Variants in INKA2 observed in about 807,000 individuals in gnomAD.
INKA2 encodes PAK4-inhibitor INKA2.
In INKA2, 3 loss-of-function variants were observed where a neutral mutation model predicts 9.8. The observed-to-expected ratio is 0.31, with a 90% CI of 0.14 to 0.79. INKA2 has a LOEUF of 0.79. Among genes scored for constraint, INKA2 ranks in the 30% least tolerant of loss-of-function variants. The pLI is 0.62. For missense variants in INKA2, 392 were observed against 384.4 expected (o/e 1.02, Z -0.17); for synonymous variants, 147 against 143.3 (o/e 1.03, Z -0.18).
chr1:111,738,949 CCTCT>C (rs1194108516), intron 1 of INKA2, among the ~76,000 whole-genome samples: 2 of 152,304 alleles, frequency 1.3e-5, no homozygotes, highest in African/African-American at 2.4e-5. Context: ...TGGCTTGCTC[CCTCT>C]GTCTCTCTGT....
Position 111,723,394 on chromosome 1 carries a change from G to A in INKA2, c.*3574C>T, listed in dbSNP as rs759608964. 3 of 420,680 alleles carry A rather than the reference G, an allele frequency of 7.1e-6. No homozygotes were observed. Among genetic ancestry groups the A allele is most frequent in the Non-Finnish European group, 1.3e-5 (3 of 238,696 alleles). The allele number at this position is 420,680 out of a possible 1,614,324, so 26.1% of individuals were successfully genotyped here. ...AGAGGTCCCAAGTCTGAAAGGTTGG[G>A]AAGAGAAAGGGAGGAGGGAGACCAG... On this transcript the variant is annotated 3_prime_UTR_variant, in exon 2 of 2. Coordinates refer to ENST00000357260, the MANE Select transcript of INKA2 (RefSeq NM_019099.5).
chr1:111,726,658 C>T lies in INKA2; in HGVS notation c.*310G>A. ...TGATCTCCTCCTCTGCCCTCACCTA[C>T]TGTCACCTCCAGCCCCAAAGTGAGT... is the stretch of plus-strand genomic sequence containing the variant. On this transcript the variant is annotated 3_prime_UTR_variant, in exon 2 of 2. Transcript: ENST00000357260. 1 of 369,604 alleles carries T rather than the reference C, an allele frequency of 2.7e-6. No homozygotes were observed. Among genetic ancestry groups the T allele is most frequent in the Non-Finnish European group, 4.9e-6 (1 of 202,614 alleles). 22.9% of individuals were successfully genotyped at this position (369,604 alleles called of 1,614,324 possible). A position where few individuals can be genotyped will look rare whatever the true frequency, so the allele number is the denominator to read the frequency against.
At chr1:111,743,139 T>C (rs1244775291), upstream of INKA2, among the ~76,000 whole-genome samples, 2 of 152,174 alleles carry the variant, frequency 1.3e-5, no homozygotes, top group African/African-American at 4.8e-5. Context: ...GGGGACGTGA[T>C]TCATTTCTGC....
chr1:111,745,265 T>TTTTATATATATA lies in INKA2; in HGVS notation n.124+10435_124+10436insTATATATATAAA, dbSNP rs1553232613. On this transcript the variant is annotated intron_variant and non_coding_transcript_variant, in intron 1 of 1. Transcript: ENST00000444059. ...ACACACACACACACACACAGAGATA[T>TTTTATATATATA]TATATATATATATATATATATATAT... The TTTTATATATATA allele has an allele frequency of 2.5e-3, 114 of 45,084 alleles. 9 individuals are homozygous for TTTTATATATATA. Among genetic ancestry groups the TTTTATATATATA allele is most frequent in the Middle Eastern group, 0.02 (1 of 50 alleles). 2.8% of individuals were successfully genotyped at this position (45,084 alleles called of 1,614,324 possible). A position where few individuals can be genotyped will look rare whatever the true frequency, so the allele number is the denominator to read the frequency against.
Position 111,727,592 on chromosome 1 carries a change from G to C in INKA2, c.270C>G (p.Val90=), listed in dbSNP as rs1299457228. ...GAGAAGGTTGACTGGAGGGGGAACA[G>C]ACTGTGGGCCTGGCAGGACCTCTGC... ...EGGRGPARPT[V]CSPSSQPSLG... The change falls in exon 2 of 2, where the codon GTC becomes GTG. Residue 90 remains valine, a synonymous_variant. Coordinates refer to ENST00000357260, the MANE Select transcript of INKA2 (RefSeq NM_019099.5). 1 of 1,611,320 alleles carries C rather than the reference G, an allele frequency of 6.2e-7. No individual in the cohort carries two copies. The highest frequency in any genetic ancestry group is 1.3e-5 in the African/African-American group (1 of 74,930).
chr1:111,729,637 T>A (rs535909578), intron 1 of INKA2, among the ~76,000 whole-genome samples: 28 of 152,386 alleles, frequency 1.8e-4, no homozygotes, highest in African/African-American at 6.5e-4. Context: ...AAACCTCATA[T>A]GCAGGGACCA....
At chr1:111,744,739 G>A (rs1663223450) in intron 1 of INKA2, among the ~76,000 whole-genome samples, 1 of 151,920 alleles carries the variant, frequency 6.6e-6, no homozygotes, top group African/African-American at 2.4e-5. Flanking sequence ...GCGCCACCAC[G>A]CCCAGCTAAT....
In INKA2 at chr1:111,724,969, AGT is replaced by A. The variant is rs1302560453; in HGVS notation, c.*1997_*1998del. The A allele has an allele frequency of 6.6e-6, 1 of 152,212 alleles. No homozygotes were observed. Among genetic ancestry groups the A allele is most frequent in the Non-Finnish European group, 1.5e-5 (1 of 68,050 alleles). The allele number at this position is 152,212 out of a possible 1,614,324, so 9.4% of individuals were successfully genotyped here. A position where few individuals can be genotyped will look rare whatever the true frequency, so the allele number is the denominator to read the frequency against. The stretch of plus-strand genomic sequence containing the variant: ...GAGATGTGCACATTACCTGACAGAC[AGT>A]GAGTGCTCAACAAAACCCAAAAAGC... On this transcript the variant is annotated 3_prime_UTR_variant, in exon 2 of 2. Transcript: ENST00000357260.
chr1:111,733,608 G>A (rs997167722), intron 1 of INKA2, among the ~76,000 whole-genome samples: 3 of 152,200 alleles, frequency 2.0e-5, no homozygotes, highest in Non-Finnish European at 4.4e-5. Flanking sequence ...CCTGCCTGGG[G>A]CTGGAGGGGA....
At chr1:111,754,993 T>TCTTTGAAAAGCC (rs1663496387) in intron 1 of INKA2, 1 of 63,380 alleles carries the variant, frequency 1.6e-5, no homozygotes, top group Non-Finnish European at 2.9e-5. Flanking sequence ...TTTGAAAAGC[T>TCTTTGAAAAGCC]GATATTTGAG....
In INKA2 at chr1:111,722,925, G is replaced by A. The variant is rs867327834; in HGVS notation, c.*4043C>T. The stretch of plus-strand genomic sequence containing the variant: ...CTGTATTCCAGGCAGTGCTTGGACC[G>A]TAGGTGCATTATGTCCTTTAAATCT... On this transcript the variant is annotated 3_prime_UTR_variant, in exon 2 of 2. Coordinates refer to ENST00000357260, the MANE Select transcript of INKA2 (RefSeq NM_019099.5). 4.1e-5 allele frequency: 25 copies of A among 604,836 alleles called. No homozygotes were observed. Among genetic ancestry groups the A allele is most frequent in the South Asian group, 1.5e-4 (8 of 52,416 alleles). The allele number at this position is 604,836 out of a possible 1,614,324, so 37.5% of individuals were successfully genotyped here. A position where few individuals can be genotyped will look rare whatever the true frequency, so the allele number is the denominator to read the frequency against.
rs1170919482 is a variant in INKA2 at position 111,726,700 on chromosome 1, G to GACACACACATGC, written c.*256_*267dup. 5 of 482,188 alleles carry GACACACACATGC rather than the reference G, an allele frequency of 1.0e-5. No individual in the cohort carries two copies. The highest frequency in any genetic ancestry group is 1.8e-5 in the Non-Finnish European group (5 of 270,454). The allele number at this position is 482,188 out of a possible 1,614,324, so 29.9% of individuals were successfully genotyped here. A position where few individuals can be genotyped will look rare whatever the true frequency, so the allele number is the denominator to read the frequency against. On this transcript the variant is annotated 3_prime_UTR_variant, in exon 2 of 2. Coordinates refer to ENST00000357260, the MANE Select transcript of INKA2 (RefSeq NM_019099.5). ...AAAGTGAGTGCATGCATGCCAGACA[G>GACACACACATGC]ACACACACATGCACACACACACACA...
chr1:111,728,581 C>T (rs1420046143), intron 1 of INKA2, among the ~76,000 whole-genome samples: 7 of 152,222 alleles, frequency 4.6e-5, no homozygotes, highest in South Asian at 2.1e-4. Flanking sequence ...TGAGCCACAA[C>T]GTGACCAAAA....
upstream of INKA2, among the ~76,000 whole-genome samples, chr1:111,740,385 G>A (rs12121908): frequency 6.6e-6 from 1 of 152,124 alleles, no homozygotes; most frequent in Admixed American, 6.5e-5. Flanking sequence ...GCAGACCGGT[G>A]GGGGGTGCTC....
In INKA2 at chr1:111,727,150, G is replaced by T; in HGVS notation, c.712C>A (p.Pro238Thr). 1.9e-6 allele frequency: 3 copies of T among 1,614,222 alleles called. No homozygotes were observed. The highest frequency in any genetic ancestry group is 2.5e-6 in the Non-Finnish European group (3 of 1,180,048). Residue 238 changes from proline to threonine, a missense_variant, in exon 2 of 2, where the codon CCT (proline) becomes ACT (threonine). Physicochemically the swap from Pro to Thr is conservative, Grantham distance 38 (BLOSUM62 -1). Transcript: ENST00000357260. ...TGTGAGCGGCCGGTTCGGGACTCAGGGACCATGGGTGTCACCCAGCCTGGC... is the reference window on the plus strand; with the variant it reads ...TGTGAGCGGCCGGTTCGGGACTCAGTGACCATGGGTGTCACCCAGCCTGGC... ...EKPGWVTPMV[P>T]ESRTGRSQKV...
In INKA2 at chr1:111,726,300, G is replaced by A. The variant is rs1234821553; in HGVS notation, c.*668C>T. On this transcript the variant is annotated 3_prime_UTR_variant, in exon 2 of 2. Coordinates refer to ENST00000357260, the MANE Select transcript of INKA2 (RefSeq NM_019099.5). ...TCCCCTGTGCATGGGGGAGACGCGG[G>A]GAGTGTCTAGGGCTTCCCTGGCTGC... 5 of 376,224 alleles carry A rather than the reference G, an allele frequency of 1.3e-5. No individual in the cohort carries two copies. Among genetic ancestry groups the A allele is most frequent in the Non-Finnish European group, 2.4e-5 (5 of 212,518 alleles). 23.3% of individuals were successfully genotyped at this position (376,224 alleles called of 1,614,324 possible).
chr1:111,737,028 C>T (rs1366102074), intron 1 of INKA2, among the ~76,000 whole-genome samples: 1 of 152,118 alleles, frequency 6.6e-6, no homozygotes, highest in Non-Finnish European at 1.5e-5. Flanking sequence ...CGTCTCTGAG[C>T]AGGCTGGCAT....
intron 1 of INKA2, among the ~76,000 whole-genome samples, chr1:111,728,700 G>GT (rs147012143): frequency 0.017 from 2,602 of 152,244 alleles, 73 homozygotes; most frequent in African/African-American, 0.058. Context: ...TCTTTGGGTT[G>GT]TATGTATAAG....
chr1:111,751,834 T>C (rs1219985571), intron 1 of INKA2, among the ~76,000 whole-genome samples: 1 of 152,230 alleles, frequency 6.6e-6, no homozygotes, highest in Non-Finnish European at 1.5e-5. Context: ...TGGCAGAGAC[T>C]GTTAGTTGCC....
Sources: allele counts gnomAD v4.1 joint callset (sites outside exome capture counted in the v4.1 genomes callset), GRCh38; gene constraint gnomAD v4.1.1; transcripts MANE v1.5; gene names NCBI Gene and HGNC (gene_info 2026-07-23, HGNC 2026-07-21).